The following ZNF486 variants were observed in gnomAD, a reference collection of about 807,000 sequenced individuals.
ZNF486 encodes zinc finger protein 486.
ZNF486 carries 12 observed loss-of-function variants against 12.8 expected under a neutral mutation model. The ratio of observed to expected loss-of-function variants is 0.94; its 90% CI spans 0.60 to 1.52. The LOEUF (loss-of-function observed/expected upper bound fraction) is 1.52. ZNF486 is among the 40% of genes most tolerant of loss of function. The probability of loss-of-function intolerance (pLI) is 0.00; values close to 1 mark genes in which losing one functional copy is unlikely to be tolerated. For synonymous variants in ZNF486, 231 were observed against 184.9 expected (o/e 1.25, Z -2.02); for missense variants, 738 against 545.0 (o/e 1.35, Z -3.53).
At chr19:20,195,721 T>G (rs77674098) in intron 3 of ZNF486, among the ~76,000 whole-genome samples, 11,213 of 152,248 alleles carry the variant, frequency 0.074, 600 homozygotes, top group African/African-American at 0.16. Flanking sequence ...AGGATGAGTC[T>G]TGTCTAAAAT....
At chr19:20,169,893 TTTTTTTTTTTTTTTTTTG>T (rs1450641021) in intron 1 of ZNF486, among the ~76,000 whole-genome samples, 326 of 145,332 alleles carry the variant, frequency 2.2e-3, no homozygotes, top group African/African-American at 7.7e-3. Flanking sequence ...TGTATGTTTT[TTTTTTTTTTTTTTTTTTG>T]AGACAGTCTC....
At chr19:20,169,457 C>T (rs1168967047) in intron 1 of ZNF486, among the ~76,000 whole-genome samples, 1 of 152,146 alleles carries the variant, frequency 6.6e-6, no homozygotes, top group Non-Finnish European at 1.5e-5. Flanking sequence ...GGAGCCTCGC[C>T]TGCAGATGTC....
In ZNF486 at chr19:20,185,903, T is replaced by G. The variant is rs147070567; in HGVS notation, c.158-84T>G. The G allele has an allele frequency of 5.9e-3, 4,429 of 756,980 alleles. 25 individuals carry two copies. The highest frequency in any genetic ancestry group is 0.01 in the Admixed American group (303 of 29,282). The allele number at this position is 756,980 out of a possible 1,614,324, so 46.9% of individuals were successfully genotyped here. A position where few individuals can be genotyped will look rare whatever the true frequency, so the allele number is the denominator to read the frequency against. ...GGTATTAATTTACTAGAATATTTTA[T>G]TACATTCTTTCTGCTGAGCACATTA... On this transcript the variant is annotated intron_variant, in intron 2 of 3. Transcript: ENST00000335117.
chr19:20,197,672 C>T lies in ZNF486; in HGVS notation c.962C>T (p.Pro321Leu), dbSNP rs373521361. The change falls in exon 4 of 4, where the codon CCG (proline) becomes CTG (leucine). Residue 321 changes from proline (P) to leucine (L), a missense_variant. Coordinates refer to ENST00000335117, the MANE Select transcript of ZNF486 (RefSeq NM_052852.4). ...AAGAAAATTCATACTGGAGAGAAAC[C>T]GTACACGTGTGATAAATGTGGCAAA... is the stretch of plus-strand genomic sequence containing the variant. Reference protein sequence around the residue: ...SHKKIHTGEKPYTCDKCGKAF... With the variant: ...SHKKIHTGEKLYTCDKCGKAF... 3.2e-5 allele frequency: 52 copies of T among 1,613,564 alleles called. No individual in the cohort carries two copies. Among genetic ancestry groups the T allele is most frequent in the Middle Eastern group, 1.6e-4 (1 of 6,078 alleles).
intron 1 of ZNF486, among the ~76,000 whole-genome samples, chr19:20,173,467 C>G (rs1348374491): frequency 6.6e-6 from 1 of 152,028 alleles, no homozygotes; most frequent in Non-Finnish European, 1.5e-5. Context: ...GTTTTAACCC[C>G]ACTAACGTTC....
intron 1 of ZNF486, among the ~76,000 whole-genome samples, chr19:20,173,300 C>A (rs1555714199): frequency 6.6e-6 from 1 of 152,114 alleles, no homozygotes; most frequent in Non-Finnish European, 1.5e-5. Context: ...GTTATTCTAG[C>A]ACCATTTATT....
At chr19:20,187,918 C>G (rs1467026459) in intron 3 of ZNF486, among the ~76,000 whole-genome samples, 1 of 152,076 alleles carries the variant, frequency 6.6e-6, no homozygotes. Flanking sequence ...GACAAGGCTG[C>G]TGGGTCTGCA....
chr19:20,196,012 A>C (rs1214934930), intron 3 of ZNF486, among the ~76,000 whole-genome samples: 2 of 152,192 alleles, frequency 1.3e-5, no homozygotes, highest in Non-Finnish European at 2.9e-5. Flanking sequence ...AGGAGTTGGC[A>C]ATTTACATTT....
chr19:20,187,711 G>A (rs1215399833), intron 3 of ZNF486, among the ~76,000 whole-genome samples: 1 of 151,970 alleles, frequency 6.6e-6, no homozygotes, highest in South Asian at 2.1e-4. Context: ...CACCGTGTTA[G>A]CCAGGATGGT....
rs1046337331 is a variant in ZNF486, at chr19:20,167,781, G to A, written c.30+421G>A. ...TATGGGGCCGGGCGCGGTGGTTGAC[G>A]TCTGTAATCCCAGCATTTTGGGAGG... On this transcript the variant is annotated intron_variant, in intron 1 of 3. Coordinates refer to ENST00000335117, the MANE Select transcript of ZNF486 (RefSeq NM_052852.4). Among the ~76,000 whole-genome samples the A allele has an allele frequency of 2.0e-5, 3 of 152,090 alleles. No individual in the cohort carries two copies. The South Asian group carries it at 6.2e-4, about 32-fold the overall frequency.
At chr19:20,194,279 A>G (rs1042518213) in intron 3 of ZNF486, among the ~76,000 whole-genome samples, 22 of 152,192 alleles carry the variant, frequency 1.4e-4, no homozygotes, top group Non-Finnish European at 2.8e-4. Context: ...CAGTGCCAAT[A>G]TACTTTCTCA....
intron 1 of ZNF486, among the ~76,000 whole-genome samples, chr19:20,170,015 C>G (rs1026576466): frequency 1.3e-5 from 2 of 151,398 alleles, no homozygotes; most frequent in African/African-American, 2.4e-5. Context: ...CTCAGCCTCC[C>G]GAGTAGCTGG....
In ZNF486 at chr19:20,167,293, C is replaced by T. The variant is rs368575489; in HGVS notation, c.-38C>T. 2.5e-5 allele frequency: 40 copies of T among 1,613,246 alleles called. No individual in the cohort carries two copies. The highest frequency in any genetic ancestry group is 3.3e-5 in the Non-Finnish European group (39 of 1,179,310). ...GCTCCTAGAGGCCCACCCTCTGTGGCCCTGTGTCCTGTAGGTATTGGGAGA... is the reference window on the plus strand; with the variant it reads ...GCTCCTAGAGGCCCACCCTCTGTGGTCCTGTGTCCTGTAGGTATTGGGAGA... On this transcript the variant is annotated 5_prime_UTR_variant, in exon 1 of 4. Coordinates refer to ENST00000335117, the MANE Select transcript of ZNF486 (RefSeq NM_052852.4).
At chr19:20,169,108 G>T (rs537364912) in intron 1 of ZNF486, among the ~76,000 whole-genome samples, 1 of 152,058 alleles carries the variant, frequency 6.6e-6, no homozygotes, top group Admixed American at 6.5e-5. Flanking sequence ...CGAAGTGGTG[G>T]GGTTACTACA....
chr19:20,182,743 A>C (rs2089800256), intron 1 of ZNF486, among the ~76,000 whole-genome samples: 1 of 152,172 alleles, frequency 6.6e-6, no homozygotes, highest in African/African-American at 2.4e-5. Context: ...CTTCTGTTTC[A>C]AAGGACAGAA....
rs1193172145 is a variant in ZNF486, at chr19:20,167,287, C to T, written c.-44C>T. ...TCCTCTGCTCCTAGAGGCCCACCCT[C>T]TGTGGCCCTGTGTCCTGTAGGTATT... On this transcript the variant is annotated 5_prime_UTR_variant, in exon 1 of 4. Transcript: ENST00000335117. 2.3e-5 allele frequency: 37 copies of T among 1,612,444 alleles called. No individual in the cohort carries two copies. The highest frequency in any genetic ancestry group is 2.9e-5 in the Non-Finnish European group (34 of 1,178,542).
At chr19:20,182,926 A>C (rs957008761) in intron 1 of ZNF486, among the ~76,000 whole-genome samples, 2 of 152,108 alleles carry the variant, frequency 1.3e-5, no homozygotes, top group African/African-American at 4.8e-5. Flanking sequence ...GGCTCTTCTT[A>C]AGGTAAACGT....
At chr19:20,168,062 G>T (rs1397658726) in intron 1 of ZNF486, among the ~76,000 whole-genome samples, 3 of 150,606 alleles carry the variant, frequency 2.0e-5, no homozygotes, top group Non-Finnish European at 4.4e-5. Context: ...ACTACGTTGG[G>T]GTTAAAAACC....
chr19:20,169,884 GTATGT>G (rs2089628020), intron 1 of ZNF486, among the ~76,000 whole-genome samples: 2 of 135,258 alleles, frequency 1.5e-5, no homozygotes, highest in African/African-American at 5.9e-5. Context: ...AGATGGGGTT[GTATGT>G]TTTTTTTTTT....
Sources: allele counts gnomAD v4.1 joint callset (sites outside exome capture counted in the v4.1 genomes callset), GRCh38; gene constraint gnomAD v4.1.1; transcripts MANE v1.5; gene names NCBI Gene and HGNC (gene_info 2026-07-23, HGNC 2026-07-21).